HACE1: variants seen among roughly 807,000 people sequenced by gnomAD.
The protein encoded by HACE1 is E3 ubiquitin-protein ligase HACE1.
A neutral mutation model predicts 118.4 loss-of-function variants in HACE1; 73 were observed. That is an observed-to-expected ratio of 0.62 (90% confidence interval 0.51 to 0.75). HACE1 has a LOEUF of 0.75. Among genes scored for constraint, HACE1 ranks in the 30% least tolerant of loss-of-function variants. HACE1 has a pLI of 0.00. For synonymous variants in HACE1, 368 were observed against 374.8 expected, an observed-to-expected ratio of 0.98 and a Z score of 0.21; for missense variants, 749 against 1,102.2, an observed-to-expected ratio of 0.68 and a Z score of 4.54.
intron 19 of HACE1, among the ~76,000 whole-genome samples, chr6:104,752,808 T>C (rs1778205389): frequency 6.6e-6 from 1 of 152,186 alleles, no homozygotes; most frequent in Non-Finnish European, 1.5e-5. Flanking sequence ...TAATATTTAT[T>C]ATTTTCCACA....
At chr6:104,759,926 T>C (rs567295116) in intron 19 of HACE1, among the ~76,000 whole-genome samples, 10 of 152,270 alleles carry the variant, frequency 6.6e-5, no homozygotes, top group South Asian at 2.1e-4. Context: ...AACATCTCTA[T>C]GCAAATAAAC....
At chr6:104,775,110 G>C (rs1264296195) in intron 17 of HACE1, among the ~76,000 whole-genome samples, 1 of 152,180 alleles carries the variant, frequency 6.6e-6, no homozygotes, top group Non-Finnish European at 1.5e-5. Flanking sequence ...GGGAGGCCGA[G>C]GCGGGTAGAT....
intron 22 of HACE1, among the ~76,000 whole-genome samples, chr6:104,740,424 G>A (rs1776520056): frequency 6.6e-6 from 1 of 151,268 alleles, no homozygotes; most frequent in Non-Finnish European, 1.5e-5. Flanking sequence ...CCGCTAGCAA[G>A]ACTAAAAAAG....
intron 7 of HACE1, among the ~76,000 whole-genome samples, chr6:104,807,237 T>C (rs2114948690): frequency 6.6e-6 from 1 of 152,176 alleles, no homozygotes; most frequent in South Asian, 2.1e-4. Flanking sequence ...TTGGCCAGGA[T>C]GGTCTCAATC....
Position 104,748,482 on chromosome 6 carries a change from G to T in HACE1, c.2343+1859C>A, listed in dbSNP as rs563806343. Among the ~76,000 whole-genome samples the T allele has an allele frequency of 2.3e-4, 35 of 152,222 alleles. No individual in the cohort carries two copies. In the South Asian group the frequency reaches 6.6e-3, roughly 29 times the overall value. ...CCCAGAACTCTCACACCTCCTAATG[G>T]GAGTGTAAACTGATGCATCACTTGA... On this transcript the variant is annotated intron_variant, in intron 20 of 23. Coordinates refer to ENST00000262903, the MANE Select transcript of HACE1 (RefSeq NM_020771.4).
intron 7 of HACE1, among the ~76,000 whole-genome samples, chr6:104,805,575 A>G (rs1562413281): frequency 6.6e-6 from 1 of 152,128 alleles, no homozygotes; most frequent in Non-Finnish European, 1.5e-5. Context: ...GAAGCTGGAA[A>G]CCATCATTCT....
chr6:104,858,428 C>T (rs1247596605), intron 1 of HACE1: 2 of 333,554 alleles, frequency 6.0e-6, no homozygotes, highest in Non-Finnish European at 1.2e-5. Flanking sequence ...AGGCCAGGCG[C>T]GGTGGCTCAC....
chr6:104,739,505 G>C (rs1441169302), intron 22 of HACE1, among the ~76,000 whole-genome samples: 1 of 151,818 alleles, frequency 6.6e-6, no homozygotes, highest in Non-Finnish European at 1.5e-5. Context: ...AAAAAAGGCA[G>C]GGGTTGCAAT....
intron 5 of HACE1, among the ~76,000 whole-genome samples, chr6:104,833,393 T>G (rs1181732850): frequency 6.6e-6 from 1 of 152,204 alleles, no homozygotes; most frequent in Non-Finnish European, 1.5e-5. Flanking sequence ...GGGGGTTTTT[T>G]AGAGTTGGGG....
chr6:104,792,459 A>C (rs1783125459), intron 10 of HACE1, among the ~76,000 whole-genome samples: 1 of 152,190 alleles, frequency 6.6e-6, no homozygotes, highest in South Asian at 2.1e-4. Flanking sequence ...TTTGTATTGA[A>C]TCTAATAATA....
intron 6 of HACE1, among the ~76,000 whole-genome samples, chr6:104,822,685 C>T (rs1320427121): frequency 3.3e-5 from 5 of 151,610 alleles, no homozygotes; most frequent in East Asian, 2.0e-4. Flanking sequence ...AATGAAACCC[C>T]GTCTCTACTA....
At chr6:104,736,581 C>T (rs1456474339) in intron 22 of HACE1, among the ~76,000 whole-genome samples, 1 of 152,156 alleles carries the variant, frequency 6.6e-6, no homozygotes, top group East Asian at 1.9e-4. Flanking sequence ...AATGTCTTAT[C>T]TTTAATACCA....
chr6:104,829,637 G>A (rs1401555740), intron 6 of HACE1, among the ~76,000 whole-genome samples: 1 of 152,066 alleles, frequency 6.6e-6, no homozygotes, highest in African/African-American at 2.4e-5. Flanking sequence ...CCCTTTACCT[G>A]TATATGATCA....
rs113449711 is a variant in HACE1, at chr6:104,820,964, T to C, written c.535-9571A>G. ...AAATGCCCATCGATGGTAGACTGGA[T>C]AAAGAAAATGAGGTACATATACACC... is the stretch of plus-strand genomic sequence containing the variant. On this transcript the variant is annotated intron_variant, in intron 6 of 23. Coordinates refer to ENST00000262903, the MANE Select transcript of HACE1 (RefSeq NM_020771.4). Among the ~76,000 whole-genome samples the C allele has an allele frequency of 4.1e-4, 63 of 152,024 alleles. 1 individual carries two copies. Among genetic ancestry groups the C allele is most frequent in the Admixed American group, 1.5e-3 (23 of 15,268 alleles).
intron 19 of HACE1, among the ~76,000 whole-genome samples, chr6:104,750,918 A>G (rs1777973617): frequency 6.6e-6 from 1 of 152,204 alleles, no homozygotes; most frequent in Admixed American, 6.5e-5. Context: ...ATGTGTGTGT[A>G]TGTACATGTA....
chr6:104,846,356 A>G (rs1775670799), intron 4 of HACE1, among the ~76,000 whole-genome samples: 1 of 152,198 alleles, frequency 6.6e-6, no homozygotes, highest in South Asian at 2.1e-4. Context: ...ACAACCTAAG[A>G]ACACACAATA....
At chr6:104,797,360 C>T (rs567230800) in intron 7 of HACE1, among the ~76,000 whole-genome samples, 55 of 150,696 alleles carry the variant, frequency 3.6e-4, no homozygotes, top group African/African-American at 1.3e-3. Context: ...TCCACCTTAA[C>T]TTGACCATTT....
chr6:104,770,350 T>G (rs1375408200), intron 19 of HACE1, among the ~76,000 whole-genome samples: 1 of 152,172 alleles, frequency 6.6e-6, no homozygotes, highest in Non-Finnish European at 1.5e-5. Context: ...TAAAGTCATA[T>G]TATGACTTTG....
chr6:104,822,129 G>A (rs1004423353), intron 6 of HACE1, among the ~76,000 whole-genome samples: 46 of 150,114 alleles, frequency 3.1e-4, no homozygotes, highest in African/African-American at 1.1e-3. Context: ...AGCACTTTGG[G>A]AGGCTGAGGC....
Sources: gnomAD v4.1 joint callset for allele counts (sites outside exome capture counted in the v4.1 genomes callset) on GRCh38, gnomAD v4.1.1 for gene constraint, MANE v1.5 for transcripts, NCBI Gene and HGNC (gene_info 2026-07-23, HGNC 2026-07-21) for gene names.